PGM1: variants seen among roughly 807,000 people sequenced by gnomAD.
The protein encoded by PGM1 is phosphoglucomutase 1, also known as phosphoglucomutase-1.
Under a neutral mutation model 55.6 loss-of-function variants are expected in PGM1, and 52 were observed. That is an observed-to-expected ratio of 0.94 (90% confidence interval 0.75 to 1.18). The LOEUF (loss-of-function observed/expected upper bound fraction) is 1.18, where lower values mean the gene tolerates loss of function less well. Among genes scored for constraint, PGM1 ranks in the 50% most tolerant of loss-of-function variants. PGM1 has a pLI of 0.00. For synonymous variants in PGM1, 287 were observed against 271.7 expected, an observed-to-expected ratio of 1.06 and a Z score of -0.55; for missense variants, 724 against 729.3, an observed-to-expected ratio of 0.99 and a Z score of 0.08.
At chr1:63,639,329 G>A (rs545327571) in intron 7 of PGM1, among the ~76,000 whole-genome samples, 17 of 152,188 alleles carry the variant, frequency 1.1e-4, no homozygotes, top group East Asian at 9.7e-4. Flanking sequence ...AAAATACATC[G>A]TTGTGCCTGA....
chr1:63,649,913 C>T (rs1301548705), intron 8 of PGM1, among the ~76,000 whole-genome samples: 1 of 151,960 alleles, frequency 6.6e-6, no homozygotes, highest in Non-Finnish European at 1.5e-5. Context: ...CCTAAGCACC[C>T]AACTCATAGT....
At chr1:63,614,369 A>G (rs772064464) in intron 1 of PGM1, among the ~76,000 whole-genome samples, 27 of 152,170 alleles carry the variant, frequency 1.8e-4, no homozygotes, top group Non-Finnish European at 3.1e-4. Context: ...GGAAAGTCCA[A>G]CTTTTTATAT....
chr1:63,630,666 C>A (rs1378564873), intron 3 of PGM1, among the ~76,000 whole-genome samples: 4 of 152,136 alleles, frequency 2.6e-5, no homozygotes, highest in African/African-American at 9.7e-5. Flanking sequence ...TTGCAACTCC[C>A]TACATAGGCA....
chr1:63,637,757 G>A (rs1296857983), intron 6 of PGM1, among the ~76,000 whole-genome samples: 2 of 152,194 alleles, frequency 1.3e-5, no homozygotes, highest in African/African-American at 4.8e-5. Context: ...TCCAAGAACA[G>A]TGTAATTCCA....
intron 1 of PGM1, among the ~76,000 whole-genome samples, chr1:63,615,550 C>CGTTTTTTTTTTTTTTTTT (rs1648687670): frequency 1.6e-5 from 1 of 62,976 alleles, no homozygotes; most frequent in African/African-American, 6.7e-5. Flanking sequence ...TCTTCTTCTT[C>CGTTTTTTTTTTTTTTTTT]TTTTTTTTTT....
chr1:63,636,355 C>T lies in PGM1; in HGVS notation c.995C>T (p.Ala332Val). 1 of 1,614,132 alleles carries T rather than the reference C, an allele frequency of 6.2e-7. No individual in the cohort carries two copies. Among genetic ancestry groups the T allele is most frequent in the Non-Finnish European group, 8.5e-7 (1 of 1,179,996 alleles). The change falls in exon 6 of 11, where the codon GCA becomes GTA. Residue 332 changes from alanine to valine, a missense_variant. Transcript: ENST00000371084. ...CAGCAGACTGGGGTCCGCGGCTTTG[C>T]ACGGAGCATGCCCACGAGTGGTGCT... is the stretch of plus-strand genomic sequence containing the variant. Reference protein sequence around the residue: ...YFQQTGVRGFARSMPTSGALD... With the variant: ...YFQQTGVRGFVRSMPTSGALD...
intron 1 of PGM1, among the ~76,000 whole-genome samples, chr1:63,620,891 A>G (rs1325648613): frequency 1.3e-5 from 2 of 152,228 alleles, no homozygotes; most frequent in Admixed American, 6.5e-5. Flanking sequence ...TGGGTTCGCT[A>G]TGCTCGACAG....
chr1:63,654,336 T>G lies in PGM1; in HGVS notation c.1469T>G (p.Leu490Trp). 6.2e-7 allele frequency: 1 copy of G among 1,613,908 alleles called. No individual in the cohort carries two copies. Among genetic ancestry groups the G allele is most frequent in the Non-Finnish European group, 8.5e-7 (1 of 1,179,826 alleles). ...ATCTCTGCTTATCTTTTCCAGGGCT[T>G]GCGCCTCATTTTCACAGATGGTTCT... is the stretch of plus-strand genomic sequence containing the variant. ...VDGSISRNQG[L>W]RLIFTDGSRI... Residue 490 changes from leucine (L) to tryptophan (W), a missense_variant, in exon 10 of 11, where the codon TTG becomes TGG. Leu to Trp is a moderately conservative substitution (Grantham distance 61, BLOSUM62 -2). Transcript: ENST00000371084.
chr1:63,628,982 C>T (rs1383675166), intron 1 of PGM1, among the ~76,000 whole-genome samples: 2 of 152,152 alleles, frequency 1.3e-5, no homozygotes, highest in Non-Finnish European at 2.9e-5. Context: ...TTAAAAAAGC[C>T]TTCTCTTTGG....
intron 1 of PGM1, among the ~76,000 whole-genome samples, chr1:63,603,403 A>G (rs1029186992): frequency 1.2e-4 from 18 of 152,248 alleles, no homozygotes; most frequent in Admixed American, 8.5e-4. Flanking sequence ...AGATCTTGCT[A>G]TGTAAGTCAG....
chr1:63,639,057 T>C (rs566472965), intron 7 of PGM1, among the ~76,000 whole-genome samples: 8 of 152,276 alleles, frequency 5.3e-5, no homozygotes, highest in Non-Finnish European at 8.8e-5. Flanking sequence ...AGCAGCGTGG[T>C]CATTGAGTCT....
chr1:63,647,254 TTTTACATATATATATATATATATA>T (rs1321481925), intron 7 of PGM1, among the ~76,000 whole-genome samples: 474 of 47,280 alleles, frequency 0.01, 11 homozygotes, highest in African/African-American at 0.026. Context: ...AAAAATAAAA[TTTTACATATATATATATATATATA>T]TATATATATA....
chr1:63,608,841 C>T (rs538364552), intron 1 of PGM1, among the ~76,000 whole-genome samples: 18 of 152,304 alleles, frequency 1.2e-4, no homozygotes, highest in Admixed American at 3.9e-4. Context: ...GACAGCTCCT[C>T]CATATGTAGA....
chr1:63,659,925 G>A lies in PGM1; in HGVS notation c.*250G>A, dbSNP rs749943364. ...TCATGCCCTCCTGCATTGCTGCTGC[G>A]TGGGTATTTGTCTCCTTAGCCATCA... On this transcript the variant is annotated 3_prime_UTR_variant, in exon 11 of 11. Transcript: ENST00000371084. The A allele has an allele frequency of 8.0e-5, 47 of 587,926 alleles. No homozygotes were observed. The highest frequency in any genetic ancestry group is 2.2e-4 in the African/African-American group (12 of 53,896). 36.4% of individuals were successfully genotyped at this position (587,926 alleles called of 1,614,324 possible).
chr1:63,651,320 A>G (rs1332928794), intron 8 of PGM1: 8 of 284,350 alleles, frequency 2.8e-5, no homozygotes, highest in Non-Finnish European at 4.8e-5. Flanking sequence ...TCCAGAGATA[A>G]CATTGCTTTT....
chr1:63,647,136 G>A (rs1042190559), intron 7 of PGM1, among the ~76,000 whole-genome samples: 17 of 151,352 alleles, frequency 1.1e-4, no homozygotes, highest in African/African-American at 3.6e-4. Flanking sequence ...CCAGCTACTC[G>A]GGAGGCTGAG....
At chr1:63,638,121 AGGGGAGACCCCACTGGGCGTTTCCCCT>A (rs1649409986) in intron 6 of PGM1, among the ~76,000 whole-genome samples, 1 of 152,246 alleles carries the variant, frequency 6.6e-6, no homozygotes, top group African/African-American at 2.4e-5. Context: ...GCCAGTACTT[AGGGGAGACCCCACTGGGCGTTTCCCCT>A]GGGGAGACTT....
intron 7 of PGM1, among the ~76,000 whole-genome samples, chr1:63,647,942 G>A (rs1009438719): frequency 1.3e-5 from 2 of 152,104 alleles, no homozygotes; most frequent in Admixed American, 6.5e-5. Flanking sequence ...ATTGACTTAT[G>A]CCTTACATTT....
Position 63,612,613 on chromosome 1 carries a change from C to T in PGM1, c.247-16812C>T, listed in dbSNP as rs181329692. Among the ~76,000 whole-genome samples, 182 of 152,238 alleles carry T rather than the reference C, an allele frequency of 1.2e-3. 1 individual carries two copies. The highest frequency in any genetic ancestry group is 4.1e-3 in the African/African-American group (170 of 41,548). On this transcript the variant is annotated intron_variant, in intron 1 of 10. Transcript: ENST00000371084. ...CACTTTTCTACCTCATGTTGAGTAG[C>T]GCCATGAAGACCCCTCCTTCATCAC...
Sources: allele counts gnomAD v4.1 joint callset (sites outside exome capture counted in the v4.1 genomes callset), GRCh38; gene constraint gnomAD v4.1.1; transcripts MANE v1.5; gene names NCBI Gene and HGNC (gene_info 2026-07-23, HGNC 2026-07-21).